Variants in HCRTR2 observed in about 807,000 individuals in gnomAD.
The protein encoded by HCRTR2 is orexin receptor type 2.
HCRTR2 carries 22 observed loss-of-function variants against 49.0 expected under a neutral mutation model. That is an observed-to-expected ratio of 0.45 (90% confidence interval 0.32 to 0.64). The LOEUF (loss-of-function observed/expected upper bound fraction) is 0.64, where lower values mean the gene tolerates loss of function less well. HCRTR2 is among the 30% of genes least tolerant of loss of function. HCRTR2 has a pLI of 0.04. For missense variants in HCRTR2, 491 were observed against 559.4 expected (o/e 0.88, Z 1.23); for synonymous variants, 236 against 205.3 (o/e 1.15, Z -1.28).
intron 1 of HCRTR2, among the ~76,000 whole-genome samples, chr6:55,242,023 C>A (rs2127307205): frequency 6.6e-6 from 1 of 151,786 alleles, no homozygotes; most frequent in South Asian, 2.1e-4. Context: ...CTCCCACCAC[C>A]AAGCCCAGCT....
chr6:55,262,391 A>G (rs1296664263), intron 3 of HCRTR2, among the ~76,000 whole-genome samples: 1 of 136,156 alleles, frequency 7.3e-6, no homozygotes, highest in Non-Finnish European at 1.5e-5. Flanking sequence ...AATATTATAT[A>G]TAAATATATA....
rs1485965298 is a variant in HCRTR2, at chr6:55,282,477, A to T, written c.*23A>T. 1.6e-6 allele frequency: 2 copies of T among 1,251,252 alleles called. No homozygotes were observed. Among genetic ancestry groups the T allele is most frequent in the Non-Finnish European group, 2.3e-6 (2 of 856,556 alleles). The allele number at this position is 1,251,252 out of a possible 1,614,324, so 77.5% of individuals were successfully genotyped here. ...TAGAATATTTATTCATATGACAAGG[A>T]TACCTGAGTAAAACTATCCTTTTTA... On this transcript the variant is annotated 3_prime_UTR_variant, in exon 7 of 7. Transcript: ENST00000370862.
chr6:55,139,660 G>A (rs936570809), intron 1 of HCRTR2, among the ~76,000 whole-genome samples: 5 of 152,102 alleles, frequency 3.3e-5, no homozygotes, highest in South Asian at 2.1e-4. Flanking sequence ...TAAAAGCACC[G>A]GGTAAACCAT....
chr6:55,145,901 C>T (rs1427083477), intron 1 of HCRTR2, among the ~76,000 whole-genome samples: 4 of 152,006 alleles, frequency 2.6e-5, no homozygotes, highest in Non-Finnish European at 5.9e-5. Flanking sequence ...CATTTCTACT[C>T]ATCATATAAG....
chr6:55,269,283 AC>A (rs1244100214), intron 4 of HCRTR2, among the ~76,000 whole-genome samples: 9 of 152,228 alleles, frequency 5.9e-5, no homozygotes, highest in African/African-American at 2.2e-4. Context: ...CAGAAACAAG[AC>A]AAGTATGTCT....
intron 1 of HCRTR2, among the ~76,000 whole-genome samples, chr6:55,166,162 C>T (rs973247626): frequency 1.3e-5 from 2 of 152,028 alleles, no homozygotes; most frequent in African/African-American, 4.8e-5. Context: ...TCCTTCCACC[C>T]CTGGGATAAA....
At chr6:55,148,516 T>C (rs1316982729) in intron 1 of HCRTR2, among the ~76,000 whole-genome samples, 2 of 152,128 alleles carry the variant, frequency 1.3e-5, no homozygotes, top group African/African-American at 4.8e-5. Context: ...CATGTGCTTC[T>C]CCATGCTACT....
intron 1 of HCRTR2, among the ~76,000 whole-genome samples, chr6:55,207,205 C>T (rs1220831409): frequency 6.6e-6 from 1 of 151,836 alleles, no homozygotes; most frequent in Admixed American, 6.6e-5. Flanking sequence ...TTATATTGAT[C>T]AATAAATTGT....
intron 1 of HCRTR2, among the ~76,000 whole-genome samples, chr6:55,221,739 A>AG (rs1562011970): frequency 2.6e-5 from 4 of 151,768 alleles, no homozygotes; most frequent in African/African-American, 4.8e-5. Flanking sequence ...CGTGAACCTC[A>AG]GAGGCAGAGC....
chr6:55,277,990 G>T (rs1234978780), intron 5 of HCRTR2, among the ~76,000 whole-genome samples: 1 of 152,076 alleles, frequency 6.6e-6, no homozygotes, highest in Non-Finnish European at 1.5e-5. Flanking sequence ...AATTGTGAGA[G>T]AATTATATCT....
At chr6:55,247,989 G>A (rs1194491447) in intron 1 of HCRTR2, among the ~76,000 whole-genome samples, 1 of 152,060 alleles carries the variant, frequency 6.6e-6, no homozygotes, top group Non-Finnish European at 1.5e-5. Context: ...TTTATATTTT[G>A]TGAGCCCATA....
chr6:55,143,376 C>G (rs1285740599), intron 1 of HCRTR2, among the ~76,000 whole-genome samples: 2 of 152,168 alleles, frequency 1.3e-5, no homozygotes, highest in Non-Finnish European at 2.9e-5. Context: ...ATGTATCCCA[C>G]AAACCCATCA....
downstream of HCRTR2, among the ~76,000 whole-genome samples, chr6:55,283,100 A>G (rs1205359504): frequency 1.3e-5 from 2 of 152,236 alleles, no homozygotes; most frequent in Non-Finnish European, 2.9e-5. Context: ...TATCACAGTA[A>G]AAGTTTTAAC....
At chr6:55,109,591 C>A (rs946691028) in intron 1 of HCRTR2, among the ~76,000 whole-genome samples, 2 of 151,660 alleles carry the variant, frequency 1.3e-5, no homozygotes, top group Non-Finnish European at 2.9e-5. Flanking sequence ...AAATTCTCAA[C>A]AATAGAATCA....
At chr6:55,194,065 CATAG>C (rs1765368345) in intron 1 of HCRTR2, among the ~76,000 whole-genome samples, 1 of 151,856 alleles carries the variant, frequency 6.6e-6, no homozygotes, top group South Asian at 2.1e-4. Flanking sequence ...TTCCCGTGAT[CATAG>C]ATAGTTGAGC....
At chr6:55,234,210 T>C (rs1766171196) in intron 1 of HCRTR2, among the ~76,000 whole-genome samples, 1 of 152,082 alleles carries the variant, frequency 6.6e-6, no homozygotes, top group Admixed American at 6.6e-5. Flanking sequence ...AATGATAAAT[T>C]CTCTAACATC....
chr6:55,232,205 G>A (rs1361000861), intron 1 of HCRTR2, among the ~76,000 whole-genome samples: 3 of 152,100 alleles, frequency 2.0e-5, no homozygotes, highest in African/African-American at 7.2e-5. Flanking sequence ...ATGTAATTCA[G>A]TTTCATACTC....
chr6:55,238,348 C>T (rs183794643), intron 1 of HCRTR2, among the ~76,000 whole-genome samples: 383 of 152,210 alleles, frequency 2.5e-3, no homozygotes, highest in Non-Finnish European at 4.8e-3. Flanking sequence ...TACCAACTTG[C>T]TTTCTTGGAA....
At chr6:55,281,010 CAATAT>C (rs1273228982) in intron 6 of HCRTR2, among the ~76,000 whole-genome samples, 1 of 152,108 alleles carries the variant, frequency 6.6e-6, no homozygotes, top group Non-Finnish European at 1.5e-5. Context: ...TTTATGGAAT[CAATAT>C]AATTATAAAA....
Sources: gnomAD v4.1 joint callset for allele counts (sites outside exome capture counted in the v4.1 genomes callset) on GRCh38, gnomAD v4.1.1 for gene constraint, MANE v1.5 for transcripts, NCBI Gene and HGNC (gene_info 2026-07-23, HGNC 2026-07-21) for gene names.